ADGRL2: variants seen among roughly 807,000 people sequenced by gnomAD.
ADGRL2 encodes the protein calcium-independent alpha-latrotoxin receptor 2.
A neutral mutation model predicts 157.4 loss-of-function variants in ADGRL2; 44 were observed. The observed-to-expected ratio is 0.28, with a 90% CI of 0.22 to 0.36. ADGRL2 has a LOEUF of 0.36. Among genes scored for constraint, ADGRL2 ranks in the 10% least tolerant of loss-of-function variants. The pLI is 1.00. For synonymous variants in ADGRL2, 585 were observed against 624.7 expected, an observed-to-expected ratio of 0.94 and a Z score of 0.95; for missense variants, 1,510 against 1,768.9, an observed-to-expected ratio of 0.85 and a Z score of 2.63.
At chr1:81,469,032 T>G (rs981561820) in intron 2 of ADGRL2, among the ~76,000 whole-genome samples, 6 of 152,266 alleles carry the variant, frequency 3.9e-5, no homozygotes, top group African/African-American at 1.4e-4. Flanking sequence ...TTTTGACCAA[T>G]CCACCTAGCA....
intron 1 of ADGRL2, among the ~76,000 whole-genome samples, chr1:81,444,792 G>A (rs7413584): frequency 0.023 from 3,507 of 152,260 alleles, 65 homozygotes; most frequent in East Asian, 0.041. Flanking sequence ...TCCAGGAATC[G>A]TTTTAGATCT....
chr1:81,903,088 A>G (rs371722066), intron 2 of ADGRL2, among the ~76,000 whole-genome samples: 1 of 152,218 alleles, frequency 6.6e-6, no homozygotes, highest in East Asian at 1.9e-4. Context: ...AAGACTTTGA[A>G]ATGGCTTTAA....
chr1:81,876,960 C>T (rs961898221), intron 2 of ADGRL2, among the ~76,000 whole-genome samples: 1 of 152,082 alleles, frequency 6.6e-6, no homozygotes, highest in African/African-American at 2.4e-5. Flanking sequence ...CAAAGTAGAT[C>T]AAATTCCTTC....
intron 1 of ADGRL2, among the ~76,000 whole-genome samples, chr1:81,815,251 A>G (rs1458699281): frequency 6.6e-6 from 1 of 151,788 alleles, no homozygotes; most frequent in African/African-American, 2.4e-5. Flanking sequence ...GTCAAAGCGG[A>G]AAGGTAGTTG....
At chr1:81,323,895 G>A (rs566503531) in intron 1 of ADGRL2, among the ~76,000 whole-genome samples, 1 of 152,258 alleles carries the variant, frequency 6.6e-6, no homozygotes, top group South Asian at 2.1e-4. Context: ...ACAGAAAAGA[G>A]GAGCATCGCA....
At chr1:81,618,716 T>C (rs3811469) in intron 3 of ADGRL2, among the ~76,000 whole-genome samples, 19,147 of 152,248 alleles carry the variant, frequency 0.13, 1,666 homozygotes, top group Non-Finnish European at 0.18. Flanking sequence ...TGTTCTGTTC[T>C]ACACTATCTG....
At chr1:81,752,892 T>C (rs1222061771) in intron 1 of ADGRL2, among the ~76,000 whole-genome samples, 1 of 152,068 alleles carries the variant, frequency 6.6e-6, no homozygotes, top group East Asian at 1.9e-4. Context: ...AGAAAGAAAA[T>C]TTAGTAGAAA....
chr1:81,373,131 T>C (rs1271529549), intron 1 of ADGRL2, among the ~76,000 whole-genome samples: 1 of 152,182 alleles, frequency 6.6e-6, no homozygotes, highest in African/African-American at 2.4e-5. Context: ...GGTAAATATC[T>C]AGTTGGTGGC....
intron 1 of ADGRL2, among the ~76,000 whole-genome samples, chr1:81,399,307 C>T (rs114546327): frequency 0.012 from 1,756 of 152,254 alleles, 34 homozygotes; most frequent in African/African-American, 0.04. Flanking sequence ...AAATCCAAAC[C>T]ATATCAATAT....
intron 1 of ADGRL2, among the ~76,000 whole-genome samples, chr1:81,712,466 A>G (rs2083961723): frequency 6.6e-6 from 1 of 152,226 alleles, no homozygotes; most frequent in Admixed American, 6.5e-5. Flanking sequence ...GTGACCTTAC[A>G]GATATGATTA....
At chr1:81,398,797 G>T (rs12135633) in intron 1 of ADGRL2, among the ~76,000 whole-genome samples, 4,138 of 152,164 alleles carry the variant, frequency 0.027, 86 homozygotes, top group Middle Eastern at 0.088. Flanking sequence ...TCTTACAGAT[G>T]ACTTGACACT....
At chr1:81,849,588 G>A (rs3790941) in intron 2 of ADGRL2, among the ~76,000 whole-genome samples, 79,600 of 151,584 alleles carry the variant, frequency 0.53, 21,929 homozygotes, top group Middle Eastern at 0.75. Flanking sequence ...AACCCTTCTG[G>A]CAAGGTCCAA....
intron 2 of ADGRL2, among the ~76,000 whole-genome samples, chr1:81,501,503 A>G (rs2078845318): frequency 6.6e-6 from 1 of 152,188 alleles, no homozygotes; most frequent in Non-Finnish European, 1.5e-5. Flanking sequence ...CGTATGCCTT[A>G]TAAAGTTTAT....
At chr1:81,950,506 A>T (rs1361250871) in intron 7 of ADGRL2, 24 bp downstream of exon 7, 1 of 1,585,714 alleles carries the variant, frequency 6.3e-7, no homozygotes, top group East Asian at 2.2e-5. Context: ...ACTACCATGC[A>T]TACATTTTTC....
intron 1 of ADGRL2, among the ~76,000 whole-genome samples, chr1:81,827,129 T>C (rs2091559914): frequency 6.6e-6 from 1 of 152,202 alleles, no homozygotes; most frequent in South Asian, 2.1e-4. Context: ...CAAAGAAATG[T>C]TTGCATTTAT....
chr1:81,441,542 T>A (rs1346610248), intron 1 of ADGRL2, among the ~76,000 whole-genome samples: 2 of 152,218 alleles, frequency 1.3e-5, no homozygotes. Context: ...TGTTTGTTTT[T>A]GAGACGGAGT....
At chr1:81,378,206 T>C (rs2076283826) in intron 1 of ADGRL2, among the ~76,000 whole-genome samples, 1 of 150,186 alleles carries the variant, frequency 6.7e-6, no homozygotes, top group South Asian at 2.1e-4. Flanking sequence ...GCCACAATGG[T>C]TCACAATACC....
chr1:81,413,007 G>C (rs750668844), intron 1 of ADGRL2, among the ~76,000 whole-genome samples: 12 of 152,054 alleles, frequency 7.9e-5, no homozygotes, highest in Non-Finnish European at 1.6e-4. Flanking sequence ...GTTCTTGGAT[G>C]TTTTCTCTAC....
At chr1:81,722,173 G>A in intron 1 of ADGRL2, 8 of 367,126 alleles carry the variant, frequency 2.2e-5, no homozygotes, top group South Asian at 1.8e-4. Context: ...GGCGCCTGTA[G>A]TCCCAGCTGC....
Sources: allele counts gnomAD v4.1 joint callset (sites outside exome capture counted in the v4.1 genomes callset), GRCh38; gene constraint gnomAD v4.1.1; transcripts MANE v1.5; gene names NCBI Gene and HGNC (gene_info 2026-07-23, HGNC 2026-07-21).